Variants in SYN3 observed in about 807,000 individuals in gnomAD.
SYN3 encodes synapsin-3.
In SYN3, 35 loss-of-function variants were observed where a neutral mutation model predicts 65.8. That is an observed-to-expected ratio of 0.53 (90% CI 0.41 to 0.70). The LOEUF (loss-of-function observed/expected upper bound fraction) is 0.70. SYN3 is among the 30% of genes least tolerant of loss of function. The pLI is 0.00. For synonymous variants in SYN3, 270 were observed against 292.9 expected (o/e 0.92, Z 0.80); for missense variants, 680 against 749.0 (o/e 0.91, Z 1.08).
intron 6 of SYN3, among the ~76,000 whole-genome samples, chr22:32,700,640 G>C (rs1239053116): frequency 6.6e-6 from 1 of 152,118 alleles, no homozygotes; most frequent in African/African-American, 2.4e-5. Flanking sequence ...CAACACAAGA[G>C]GAAAACACAT....
intron 3 of SYN3, among the ~76,000 whole-genome samples, chr22:32,954,192 G>C (rs11704887): frequency 0.2 from 30,054 of 152,130 alleles, 3,620 homozygotes; most frequent in Non-Finnish European, 0.27. Context: ...ATTGCCCTTT[G>C]CCCTATGCCA....
At chr22:32,911,688 C>T (rs191212374) in intron 4 of SYN3, among the ~76,000 whole-genome samples, 18 of 152,188 alleles carry the variant, frequency 1.2e-4, no homozygotes, top group African/African-American at 2.9e-4. Context: ...GGAAACTGAA[C>T]GGGAGCCAAA....
chr22:32,616,830 C>T (rs2059527249), intron 6 of SYN3, among the ~76,000 whole-genome samples: 1 of 152,160 alleles, frequency 6.6e-6, no homozygotes, highest in African/African-American at 2.4e-5. Flanking sequence ...GAAGAGGTAT[C>T]ATGGACAGTG....
intron 13 of SYN3, among the ~76,000 whole-genome samples, chr22:32,514,173 C>T (rs1240769599): frequency 6.6e-6 from 1 of 152,144 alleles, no homozygotes; most frequent in Non-Finnish European, 1.5e-5. Context: ...TGGCTGCTCT[C>T]CTGCCTATGG....
intron 2 of SYN3, among the ~76,000 whole-genome samples, chr22:33,001,420 A>G (rs536296308): frequency 1.3e-5 from 2 of 152,200 alleles, no homozygotes; most frequent in Non-Finnish European, 2.9e-5. Context: ...TGTATACCAC[A>G]TGGACACTGG....
At chr22:32,613,676 C>T (rs949953729) in intron 6 of SYN3, among the ~76,000 whole-genome samples, 4 of 152,118 alleles carry the variant, frequency 2.6e-5, no homozygotes, top group Non-Finnish European at 5.9e-5. Flanking sequence ...CACAGATTGC[C>T]GAGAGCTCTG....
intron 6 of SYN3, among the ~76,000 whole-genome samples, chr22:32,773,891 C>A (rs1241469304): frequency 5.3e-5 from 8 of 152,082 alleles, no homozygotes; most frequent in Non-Finnish European, 8.8e-5. Flanking sequence ...AACTGATATC[C>A]AAAGTGAGTC....
intron 6 of SYN3, among the ~76,000 whole-genome samples, chr22:32,706,109 T>A (rs192057879): frequency 7.2e-5 from 11 of 152,190 alleles, no homozygotes; most frequent in African/African-American, 2.2e-4. Flanking sequence ...TAAATTGGAG[T>A]GGTGAGAGAG....
At chr22:32,766,366 A>G (rs1489292590) in intron 6 of SYN3, among the ~76,000 whole-genome samples, 1 of 152,206 alleles carries the variant, frequency 6.6e-6, no homozygotes, top group African/African-American at 2.4e-5. Flanking sequence ...AGCACTGGAA[A>G]CAATGCCTGG....
At chr22:32,685,558 GCCTGCAGTATTCAGTAGTA>G (rs1340539289) in intron 6 of SYN3, among the ~76,000 whole-genome samples, 13 of 152,148 alleles carry the variant, frequency 8.5e-5, no homozygotes, top group Admixed American at 8.5e-4. Context: ...TGGTACCACT[GCCTGCAGTATTCAGTAGTA>G]CATAGCATGC....
At chr22:32,748,283 G>GATTT (rs2044998569) in intron 6 of SYN3, among the ~76,000 whole-genome samples, 1 of 152,210 alleles carries the variant, frequency 6.6e-6, no homozygotes, top group African/African-American at 2.4e-5. Context: ...GGGTGGCCCA[G>GATTT]GAGAAAGAGC....
chr22:32,612,252 T>C (rs2059455292), intron 6 of SYN3, among the ~76,000 whole-genome samples: 1 of 152,216 alleles, frequency 6.6e-6, no homozygotes. Flanking sequence ...CAGGGACTTA[T>C]GCGAACTCCA....
chr22:32,792,866 T>G (rs1602160088), intron 6 of SYN3, among the ~76,000 whole-genome samples: 2 of 152,334 alleles, frequency 1.3e-5, no homozygotes, highest in African/African-American at 4.8e-5. Context: ...ACATTGACTT[T>G]GAAGTCTTCA....
At chr22:32,968,196 C>T (rs1249458121) in intron 3 of SYN3, among the ~76,000 whole-genome samples, 7 of 152,180 alleles carry the variant, frequency 4.6e-5, no homozygotes, top group Non-Finnish European at 7.3e-5. Context: ...GTTTCAAATA[C>T]GAATTACAGG....
chr22:32,737,264 G>C (rs1188926999), intron 6 of SYN3, among the ~76,000 whole-genome samples: 2 of 152,120 alleles, frequency 1.3e-5, no homozygotes, highest in Non-Finnish European at 2.9e-5. Context: ...GGAAACTGAG[G>C]GTTGGTGAAG....
chr22:32,764,406 G>A (rs2045569447), intron 6 of SYN3, among the ~76,000 whole-genome samples: 1 of 152,154 alleles, frequency 6.6e-6, no homozygotes, highest in African/African-American at 2.4e-5. Context: ...CCTTTGTAGA[G>A]AAGCCGGCAA....
intron 4 of SYN3, among the ~76,000 whole-genome samples, chr22:32,915,536 C>T (rs746507469): frequency 6.6e-6 from 1 of 152,090 alleles, no homozygotes; most frequent in Non-Finnish European, 1.5e-5. Flanking sequence ...AATATTTGAG[C>T]AAGGCCGAAA....
At chr22:33,038,325 GATTTTTCACAGCCA>G (rs2053896315) in intron 1 of SYN3, among the ~76,000 whole-genome samples, 1 of 152,232 alleles carries the variant, frequency 6.6e-6, no homozygotes, top group African/African-American at 2.4e-5. Context: ...GCAAGGAAGG[GATTTTTCACAGCCA>G]GGATGGGGAT....
At chr22:32,763,939 C>A (rs1223137069) in intron 6 of SYN3, among the ~76,000 whole-genome samples, 1 of 149,140 alleles carries the variant, frequency 6.7e-6, no homozygotes, top group Non-Finnish European at 1.5e-5. Flanking sequence ...AGAAGCCCCC[C>A]CCCCCTTTTT....
Sources: allele counts gnomAD v4.1 joint callset (sites outside exome capture counted in the v4.1 genomes callset), GRCh38; gene constraint gnomAD v4.1.1; transcripts MANE v1.5; gene names NCBI Gene and HGNC (gene_info 2026-07-23, HGNC 2026-07-21).